Variants in TMED3 observed in about 807,000 individuals in gnomAD.
The protein encoded by TMED3 is transmembrane emp24 domain-containing protein 3.
Under a neutral mutation model 15.0 loss-of-function variants are expected in TMED3, and 9 were observed. The ratio of observed to expected loss-of-function variants is 0.60; its 90% CI spans 0.36 to 1.04. TMED3 has a LOEUF of 1.04. Ranked by LOEUF, TMED3 falls within the 50% of genes least tolerant of loss-of-function variation. The probability of loss-of-function intolerance (pLI) is 0.01; values close to 1 mark genes in which losing one functional copy is unlikely to be tolerated. For synonymous variants in TMED3, 117 were observed against 121.4 expected (o/e 0.96, Z 0.24); for missense variants, 267 against 278.9 (o/e 0.96, Z 0.30).
At chr15:79,403,297 C>A (rs1358839228) in intron 2 of TMED3, among the ~76,000 whole-genome samples, 1 of 146,944 alleles carries the variant, frequency 6.8e-6, no homozygotes, top group Non-Finnish European at 1.5e-5. Flanking sequence ...ACAGTCCTTG[C>A]TGCTATAACT....
At chr15:79,371,083 A>G (rs558211680) in intron 2 of TMED3, among the ~76,000 whole-genome samples, 1 of 152,154 alleles carries the variant, frequency 6.6e-6, no homozygotes, top group South Asian at 2.1e-4. Context: ...TAAGTTTTGA[A>G]CTCTAACATA....
At position 79,313,434 on chromosome 15, in the gene TMED3, G is replaced by A. The variant is rs563490531; in HGVS notation, c.169-323G>A. ...CCACTTTCTCTTGTGTAACCTTAGG[G>A]AATTTACTTAACCTTGGAACCTCAG... On this transcript the variant is annotated intron_variant, in intron 1 of 2. Transcript: ENST00000299705. 2.6e-5 allele frequency among the ~76,000 whole-genome samples: 4 copies of A among 152,272 alleles called. No homozygotes were observed. In the South Asian group the frequency reaches 8.3e-4, roughly 32 times the overall value.
chr15:79,379,868 A>G (rs1482194731), intron 2 of TMED3, among the ~76,000 whole-genome samples: 1 of 152,230 alleles, frequency 6.6e-6, no homozygotes, highest in Non-Finnish European at 1.5e-5. Flanking sequence ...AAATAAGGTA[A>G]TGGCAGAATA....
At position 79,350,469 on chromosome 15, in the gene TMED3, A is replaced by G. The variant is rs2058887631; in HGVS notation, c.417+36464A>G. On this transcript the variant is annotated intron_variant, in intron 2 of 2. Transcript: ENST00000424155. ...GGCAAATCACTGGTGTAAGTTCAAG[A>G]GTCCAAAAGCTGAAGAACTTGGGGT... 2.6e-5 allele frequency among the ~76,000 whole-genome samples: 4 copies of G among 152,162 alleles called. No homozygotes were observed. In the South Asian group the frequency reaches 8.3e-4, roughly 32 times the overall value.
chr15:79,331,935 C>G (rs1255475301), intron 2 of TMED3, among the ~76,000 whole-genome samples: 1 of 152,114 alleles, frequency 6.6e-6, no homozygotes, highest in Non-Finnish European at 1.5e-5. Context: ...AAAGGGAACT[C>G]TTATACACTG....
chr15:79,411,326 G>A (rs1015381470), intron 2 of TMED3: 37 of 681,906 alleles, frequency 5.4e-5, no homozygotes, highest in Non-Finnish European at 8.6e-5. Context: ...AATGCAAATG[G>A]AGGGCTTTAT....
downstream of TMED3, among the ~76,000 whole-genome samples, chr15:79,324,149 C>T (rs1253989550): frequency 2.0e-5 from 3 of 152,160 alleles, no homozygotes; most frequent in Non-Finnish European, 2.9e-5. Context: ...CGCCACCACG[C>T]CCGGCTAATT....
intron 2 of TMED3, among the ~76,000 whole-genome samples, chr15:79,320,562 G>C (rs2058761956): frequency 6.6e-6 from 1 of 152,088 alleles, no homozygotes; most frequent in South Asian, 2.1e-4. Flanking sequence ...CAAATAGTTT[G>C]CCTTTGGAGT....
intron 2 of TMED3, among the ~76,000 whole-genome samples, chr15:79,409,435 G>A (rs1047227559): frequency 1.1e-4 from 16 of 152,186 alleles, no homozygotes; most frequent in African/African-American, 3.6e-4. Flanking sequence ...GGTAATGATT[G>A]GAGGTGGGGC....
At chr15:79,380,213 T>A (rs964468385) in intron 2 of TMED3, among the ~76,000 whole-genome samples, 5 of 151,980 alleles carry the variant, frequency 3.3e-5, no homozygotes, top group African/African-American at 1.2e-4. Context: ...TAGCTGGGCG[T>A]GGTGACACAC....
chr15:79,368,930 A>G (rs1893285673), intron 2 of TMED3, among the ~76,000 whole-genome samples: 1 of 151,834 alleles, frequency 6.6e-6, no homozygotes, highest in Non-Finnish European at 1.5e-5. Context: ...TCTACTAAAA[A>G]CACACGCAAA....
chr15:79,342,841 A>G (rs538384969), intron 2 of TMED3, among the ~76,000 whole-genome samples: 6 of 152,192 alleles, frequency 3.9e-5, no homozygotes, highest in Non-Finnish European at 5.9e-5. Context: ...TGAAACTTAC[A>G]TCTCATGGAA....
intron 2 of TMED3, among the ~76,000 whole-genome samples, chr15:79,403,062 G>GA (rs529279385): frequency 1.4e-5 from 2 of 147,462 alleles, no homozygotes; most frequent in Admixed American, 6.7e-5. Flanking sequence ...CTATTCAAAA[G>GA]AAAAAAAAAG....
At chr15:79,407,299 T>C (rs1381496451) in intron 2 of TMED3, among the ~76,000 whole-genome samples, 1 of 152,198 alleles carries the variant, frequency 6.6e-6, no homozygotes, top group Non-Finnish European at 1.5e-5. Context: ...TCTACATCAA[T>C]TAAACTCTCC....
At chr15:79,386,616 T>G (rs1423433017) in intron 2 of TMED3, among the ~76,000 whole-genome samples, 1 of 151,866 alleles carries the variant, frequency 6.6e-6, no homozygotes, top group Non-Finnish European at 1.5e-5. Context: ...CTCAGCTCAT[T>G]GCAACCTCCG....
At chr15:79,320,439 T>C (rs536748811) in intron 2 of TMED3, among the ~76,000 whole-genome samples, 5 of 152,234 alleles carry the variant, frequency 3.3e-5, no homozygotes, top group African/African-American at 4.8e-5. Context: ...TTTATTATAC[T>C]GGAACAGCTC....
chr15:79,397,268 A>T (rs1359270678), intron 2 of TMED3, among the ~76,000 whole-genome samples: 2 of 152,142 alleles, frequency 1.3e-5, no homozygotes, highest in African/African-American at 2.4e-5. Context: ...CTCTTCAGTA[A>T]TTTTTTGAGA....
chr15:79,370,773 G>A (rs1339815178), intron 2 of TMED3, among the ~76,000 whole-genome samples: 3 of 152,188 alleles, frequency 2.0e-5, no homozygotes, highest in South Asian at 4.1e-4. Context: ...CTCTTAAATG[G>A]GAGGGAATGT....
At chr15:79,328,101 G>A (rs993611436) in intron 2 of TMED3, among the ~76,000 whole-genome samples, 3 of 152,154 alleles carry the variant, frequency 2.0e-5, no homozygotes, top group African/African-American at 7.2e-5. Context: ...GCCAAAGCAC[G>A]TTACTTTCTC....
Sources: allele counts gnomAD v4.1 joint callset (sites outside exome capture counted in the v4.1 genomes callset), GRCh38; gene constraint gnomAD v4.1.1; transcripts MANE v1.5; gene names NCBI Gene and HGNC (gene_info 2026-07-23, HGNC 2026-07-21).